Variants in GPR158 observed in about 807,000 individuals in gnomAD.
GPR158 encodes metabotropic glycine receptor.
A neutral mutation model predicts 78.2 loss-of-function variants in GPR158; 30 were observed. That is an observed-to-expected ratio of 0.38 (90% confidence interval 0.29 to 0.52). The LOEUF is 0.52. Ranked by LOEUF, GPR158 falls within the 20% of genes least tolerant of loss-of-function variation. The probability of loss-of-function intolerance (pLI) is 0.83; values close to 1 mark genes in which losing one functional copy is unlikely to be tolerated. For missense variants in GPR158, 1,463 were observed against 1,523.5 expected (o/e 0.96, Z 0.66); for synonymous variants, 581 against 591.1 (o/e 0.98, Z 0.25).
intron 2 of GPR158, among the ~76,000 whole-genome samples, chr10:25,232,409 A>G (rs1445161421): frequency 6.6e-6 from 1 of 152,186 alleles, no homozygotes; most frequent in Non-Finnish European, 1.5e-5. Flanking sequence ...GAGGCTACGG[A>G]TGCTTGGCAG....
chr10:25,589,517 T>C (rs6482501), intron 8 of GPR158, among the ~76,000 whole-genome samples: 150,517 of 152,344 alleles, frequency 0.99, 74,427 homozygotes, highest in Middle Eastern at 1. Flanking sequence ...TATTTTCATT[T>C]ATGTTTAATG....
intron 5 of GPR158, among the ~76,000 whole-genome samples, chr10:25,491,018 GAAAAT>G (rs1167048480): frequency 2.0e-5 from 3 of 152,014 alleles, no homozygotes; most frequent in Non-Finnish European, 2.9e-5. Flanking sequence ...CATTAATAAG[GAAAAT>G]AAAATAAATA....
intron 2 of GPR158, among the ~76,000 whole-genome samples, chr10:25,243,426 A>G (rs564657232): frequency 6.6e-6 from 1 of 152,314 alleles, no homozygotes; most frequent in East Asian, 1.9e-4. Flanking sequence ...TCCCATCACA[A>G]GTGGATCTTT....
At chr10:25,396,051 A>G in intron 3 of GPR158, 38 bp downstream of exon 3, 2 of 859,778 alleles carry the variant, frequency 2.3e-6, no homozygotes, top group Non-Finnish European at 2.0e-6. Flanking sequence ...ATATGTATAT[A>G]CATCATATAT....
chr10:25,517,962 T>C (rs2130678156), intron 5 of GPR158, among the ~76,000 whole-genome samples: 1 of 98,460 alleles, frequency 1.0e-5, no homozygotes, highest in African/African-American at 4.7e-5. Context: ...AGTTCCTCCT[T>C]GTACCTCTGG....
At chr10:25,458,993 T>G (rs985681041) in intron 4 of GPR158, among the ~76,000 whole-genome samples, 14 of 152,364 alleles carry the variant, frequency 9.2e-5, no homozygotes, top group African/African-American at 3.1e-4. Context: ...ATCACAGATC[T>G]TCTTAACATA....
chr10:25,354,348 T>C (rs1298220083), intron 2 of GPR158, among the ~76,000 whole-genome samples: 1 of 138,812 alleles, frequency 7.2e-6, no homozygotes, highest in East Asian at 2.1e-4. Flanking sequence ...AGAGTGAAAC[T>C]CAGTCTCAAA....
intron 5 of GPR158, among the ~76,000 whole-genome samples, chr10:25,534,503 A>G (rs1317867632): frequency 6.6e-6 from 1 of 151,640 alleles, no homozygotes; most frequent in Non-Finnish European, 1.5e-5. Flanking sequence ...ACAAAACAAA[A>G]CAAAACAAAA....
chr10:25,264,654 C>A (rs1240129721), intron 2 of GPR158, among the ~76,000 whole-genome samples: 1 of 152,136 alleles, frequency 6.6e-6, no homozygotes, highest in Non-Finnish European at 1.5e-5. Context: ...TGTTACACAG[C>A]AGGGAGAACC....
intron 3 of GPR158, 152 bp downstream of exon 3, chr10:25,396,165 G>A (rs1588843844): frequency 4.0e-6 from 2 of 500,428 alleles, no homozygotes; most frequent in Non-Finnish European, 7.1e-6. Flanking sequence ...GTTTTAGTTT[G>A]TCATCTACAA....
At chr10:25,494,477 A>G (rs897988716) in intron 5 of GPR158, among the ~76,000 whole-genome samples, 7 of 152,170 alleles carry the variant, frequency 4.6e-5, no homozygotes, top group Non-Finnish European at 1.0e-4. Flanking sequence ...TTTGTTTGGT[A>G]CTGCTTTTTT....
intron 2 of GPR158, among the ~76,000 whole-genome samples, chr10:25,341,140 G>C (rs113393921): frequency 0.011 from 1,633 of 152,034 alleles, 7 homozygotes; most frequent in Non-Finnish European, 0.016. Context: ...CTCATTTTCA[G>C]ACAAGTGAAG....
At chr10:25,596,931 G>A in intron 10 of GPR158, 142 bp downstream of exon 10, 1 of 675,028 alleles carries the variant, frequency 1.5e-6, no homozygotes, top group Non-Finnish European at 2.5e-6. Context: ...AATGTGTTTG[G>A]GTATGAACTG....
chr10:25,237,758 A>G (rs1022922715), intron 2 of GPR158, among the ~76,000 whole-genome samples: 1 of 152,238 alleles, frequency 6.6e-6, no homozygotes, highest in Non-Finnish European at 1.5e-5. Flanking sequence ...CTAAATCCAT[A>G]TAAATCCTTC....
chr10:25,280,597 A>T (rs1854253205), intron 2 of GPR158, among the ~76,000 whole-genome samples: 1 of 152,202 alleles, frequency 6.6e-6, no homozygotes, highest in Non-Finnish European at 1.5e-5. Context: ...AAGAACGTTG[A>T]CTTAATGTAC....
At chr10:25,398,440 G>T (rs764955723) in intron 3 of GPR158, among the ~76,000 whole-genome samples, 2 of 152,078 alleles carry the variant, frequency 1.3e-5, no homozygotes, top group Non-Finnish European at 2.9e-5. Flanking sequence ...TAAGGGAAAA[G>T]GTTTTAGCTT....
intron 2 of GPR158, among the ~76,000 whole-genome samples, chr10:25,285,917 G>A (rs188276243): frequency 2.6e-5 from 4 of 152,022 alleles, no homozygotes; most frequent in Admixed American, 2.0e-4. Flanking sequence ...CTGGGTTGAC[G>A]TTTTCCTTTT....
rs146731595 is a variant in GPR158, at chr10:25,598,852, A to C, written c.3226A>C (p.Ser1076Arg). Residue 1076 changes from serine (S) to arginine (R), a missense_variant, in exon 11 of 11, where the codon AGC becomes CGC. By Grantham distance (110) the Ser-to-Arg change is moderately radical. Transcript: ENST00000376351. ...IDKAEVCLWE[S>R]QGQSILEDEK... ...TAAGGCTGAAGTATGCCTTTGGGAG[A>C]GCCAAGGCCAGTCCATTTTGGAAGA... 6.2e-7 allele frequency: 1 copy of C among 1,614,064 alleles called. No individual in the cohort carries two copies. The highest frequency in any genetic ancestry group is 8.5e-7 in the Non-Finnish European group (1 of 1,179,990).
At chr10:25,396,706 T>A (rs1351706868) in intron 3 of GPR158, among the ~76,000 whole-genome samples, 3 of 152,230 alleles carry the variant, frequency 2.0e-5, no homozygotes, top group Non-Finnish European at 2.9e-5. Flanking sequence ...TTGCATTATC[T>A]GACCTCTATA....
Sources: allele counts gnomAD v4.1 joint callset (sites outside exome capture counted in the v4.1 genomes callset), GRCh38; gene constraint gnomAD v4.1.1; transcripts MANE v1.5; gene names NCBI Gene and HGNC (gene_info 2026-07-23, HGNC 2026-07-21).